Variants in UBE2J1 observed in about 807,000 individuals in gnomAD.
UBE2J1 encodes ubiquitin-conjugating enzyme E2 J1.
A neutral mutation model predicts 42.1 loss-of-function variants in UBE2J1; 17 were observed. The ratio of observed to expected loss-of-function variants is 0.40; its 90% CI spans 0.28 to 0.61. The LOEUF (loss-of-function observed/expected upper bound fraction) is 0.61, where lower values mean the gene tolerates loss of function less well. Among genes scored for constraint, UBE2J1 ranks in the 20% least tolerant of loss-of-function variants. UBE2J1 has a pLI of 0.38. For missense variants in UBE2J1, 291 were observed against 389.4 expected, an observed-to-expected ratio of 0.75 and a Z score of 2.13; for synonymous variants, 127 against 137.2, an observed-to-expected ratio of 0.93 and a Z score of 0.52.
intron 3 of UBE2J1, among the ~76,000 whole-genome samples, chr6:89,339,007 T>A (rs1768178863): frequency 6.6e-6 from 1 of 152,142 alleles, no homozygotes; most frequent in South Asian, 2.1e-4. Flanking sequence ...GGGACACAGA[T>A]TTTTTGTCCT....
rs531215136 is a variant in UBE2J1, at chr6:89,338,731, T to C, written c.238-188A>G. ...CCCAGGCTGGAGTGCAGTGGTGTGATATCAGCTCACTGCAAGATCCACCTC... is the reference window on the plus strand; with the variant it reads ...CCCAGGCTGGAGTGCAGTGGTGTGACATCAGCTCACTGCAAGATCCACCTC... On this transcript the variant is annotated intron_variant, in intron 3 of 7. Transcript: ENST00000435041. 8.5e-4 allele frequency among the ~76,000 whole-genome samples: 122 copies of C among 144,274 alleles called. 2 individuals are homozygous for C. The Middle Eastern group carries it at 0.011, about 13-fold the overall frequency. The allele number at this position is 144,274 out of a possible 152,430, so 94.6% of individuals were successfully genotyped here.
intron 1 of UBE2J1, among the ~76,000 whole-genome samples, chr6:89,347,905 G>A (rs951512839): frequency 1.5e-4 from 23 of 152,082 alleles, no homozygotes; most frequent in Non-Finnish European, 1.3e-4. Context: ...CAGTCCCTGA[G>A]TCATTAAGGT....
rs760865536 is a variant in UBE2J1, at chr6:89,342,395, C to CT, written c.165dup (p.Gly56ArgfsTer26). On this transcript the variant is annotated frameshift_variant, in exon 3 of 8. Coordinates refer to ENST00000435041, the MANE Select transcript of UBE2J1 (RefSeq NM_016021.3). LOFTEE classifies it high-confidence loss of function. Reference sequence around the variant, plus strand: ...AGTACTATCCGCCCGTGATAAACTCCTCCATCAAAATCGGAGTCTGGGGGC... The same window carrying CT: ...AGTACTATCCGCCCGTGATAAACTCCTTCCATCAAAATCGGAGTCTGGGGGC... 6.2e-7 allele frequency: 1 copy of CT among 1,613,548 alleles called. No homozygotes were observed. Among genetic ancestry groups the CT allele is most frequent in the South Asian group, 1.1e-5 (1 of 90,992 alleles).
intron 1 of UBE2J1, among the ~76,000 whole-genome samples, chr6:89,347,713 T>C: frequency 6.6e-6 from 1 of 152,190 alleles, no homozygotes; most frequent in Non-Finnish European, 1.5e-5. Flanking sequence ...TAACATATAT[T>C]ATGAATGCTT....
intron 1 of UBE2J1, among the ~76,000 whole-genome samples, chr6:89,346,875 C>T (rs1582488852): frequency 6.6e-6 from 1 of 152,124 alleles, no homozygotes; most frequent in Non-Finnish European, 1.5e-5. Context: ...ATCTGTTTTT[C>T]CTGCTAAGCA....
At chr6:89,346,199 A>C (rs1361642000) in intron 1 of UBE2J1, among the ~76,000 whole-genome samples, 4 of 151,940 alleles carry the variant, frequency 2.6e-5, no homozygotes, top group Non-Finnish European at 5.9e-5. Context: ...TTACTATCCT[A>C]CTTCACAATT....
rs1188110910 is a variant in UBE2J1, at chr6:89,326,799, C to A, written c.*2880G>T. On this transcript the variant is annotated 3_prime_UTR_variant, in exon 8 of 8. Coordinates refer to ENST00000435041, the MANE Select transcript of UBE2J1 (RefSeq NM_016021.3). Reference sequence around the variant, plus strand: ...AGTCACGTTCACTAAATGCATTAACCTTACATATACTTCCAATTAAAAAAA... The same window carrying A: ...AGTCACGTTCACTAAATGCATTAACATTACATATACTTCCAATTAAAAAAA... 6.6e-6 allele frequency: 1 copy of A among 152,072 alleles called. No homozygotes were observed. The highest frequency in any genetic ancestry group is 1.5e-5 in the Non-Finnish European group (1 of 68,006). The allele number at this position is 152,072 out of a possible 1,614,324, so 9.4% of individuals were successfully genotyped here.
At chr6:89,334,565 A>G (rs948518075) in intron 6 of UBE2J1, among the ~76,000 whole-genome samples, 1 of 148,192 alleles carries the variant, frequency 6.7e-6, no homozygotes, top group African/African-American at 2.5e-5. Flanking sequence ...TCTGCCTCCC[A>G]GGTTCAAGCA....
At chr6:89,346,898 G>A (rs1169831263) in intron 1 of UBE2J1, among the ~76,000 whole-genome samples, 1 of 152,120 alleles carries the variant, frequency 6.6e-6, no homozygotes, top group Non-Finnish European at 1.5e-5. Context: ...AGTAATGACA[G>A]TGTAGCTGTA....
At chr6:89,333,382 G>C (rs1265659039) in intron 6 of UBE2J1, among the ~76,000 whole-genome samples, 177 bp from the exon 7 acceptor site, 1 of 152,154 alleles carries the variant, frequency 6.6e-6, no homozygotes, top group Non-Finnish European at 1.5e-5. Flanking sequence ...AGGTATCATA[G>C]GAAGAAGCAT....
chr6:89,339,751 T>A (rs1355345305), intron 3 of UBE2J1, among the ~76,000 whole-genome samples: 1 of 146,806 alleles, frequency 6.8e-6, no homozygotes, highest in African/African-American at 2.5e-5. Flanking sequence ...GACTCATGTC[T>A]GTAATCCCAG....
rs181413001 is a variant in UBE2J1 at position 89,345,212 on chromosome 6, C to T, written c.32-1456G>A. On this transcript the variant is annotated intron_variant, in intron 1 of 7. Coordinates refer to ENST00000435041, the MANE Select transcript of UBE2J1 (RefSeq NM_016021.3). ...AATAAAAGTAAAATGTGTAGAGGCA[C>T]AGGTTGGAATGTTATGGGGAGAGAG... Among the ~76,000 whole-genome samples, 1,055 of 152,250 alleles carry T rather than the reference C, an allele frequency of 6.9e-3. 33 individuals carry two copies. Among genetic ancestry groups the T allele is most frequent in the Admixed American group, 0.061 (940 of 15,296 alleles).
chr6:89,352,421 G>T, intron 1 of UBE2J1, 118 bp downstream of exon 1: 1 of 1,194,290 alleles, frequency 8.4e-7, no homozygotes, highest in Non-Finnish European at 1.2e-6. Context: ...CTCGCGTAGA[G>T]CGCGAAACCA....
intron 1 of UBE2J1, among the ~76,000 whole-genome samples, chr6:89,345,182 G>T (rs530396506): frequency 2.0e-5 from 3 of 152,290 alleles, no homozygotes; most frequent in African/African-American, 7.2e-5. Flanking sequence ...ATAGGAAGAG[G>T]TAATAATAAA....
In UBE2J1 at chr6:89,333,117, G is replaced by A; in HGVS notation, c.647C>T (p.Thr216Ile). Residue 216 changes from threonine to isoleucine, a missense_variant, in exon 7 of 8, where the codon ACA (threonine) becomes ATA (isoleucine). Thr to Ile is a moderately conservative substitution (Grantham distance 89). Transcript: ENST00000435041. ...ACTGGCCGTAGCACCCTGGAATGTTGTAGGTATATCATCTTGTAAATCAGT... is the reference window on the plus strand; with the variant it reads ...ACTGGCCGTAGCACCCTGGAATGTTATAGGTATATCATCTTGTAAATCAGT... The part of the protein sequence containing the change: ...SLTDLQDDIP[T>I]TFQGATASTS... The A allele has an allele frequency of 3.1e-6, 5 of 1,612,874 alleles. No homozygotes were observed. The highest frequency in any genetic ancestry group is 1.3e-5 in the African/African-American group (1 of 74,988).
chr6:89,352,668 TGGCC>T lies in UBE2J1; in HGVS notation c.-103_-100del. 7.4e-6 allele frequency: 10 copies of T among 1,346,420 alleles called. No homozygotes were observed. The highest frequency in any genetic ancestry group is 9.7e-6 in the Non-Finnish European group (10 of 1,026,060). 83.4% of individuals were successfully genotyped at this position (1,346,420 alleles called of 1,614,324 possible). A position where few individuals can be genotyped will look rare whatever the true frequency, so the allele number is the denominator to read the frequency against. On this transcript the variant is annotated 5_prime_UTR_variant, in exon 1 of 8. Transcript: ENST00000435041. Reference sequence around the variant, plus strand: ...CAGCGCGGCTCGGGCGGACGGGGCCTGGCCGAGGAGCCTCGGCAAATGCCGCCCA... The same window carrying T: ...CAGCGCGGCTCGGGCGGACGGGGCCTGAGGAGCCTCGGCAAATGCCGCCCA...
chr6:89,333,195 T>C lies in UBE2J1; in HGVS notation c.569A>G (p.Asn190Ser), dbSNP rs151000241. ...ARQISFKAEV[N>S]SSGKTISESD... The stretch of plus-strand genomic sequence containing the variant: ...CTCAGAGATAGTCTTTCCAGATGAA[T>C]TGACTTCTGCCTATAAACAAGATAG... The change falls in exon 7 of 8, where the codon AAT becomes AGT. Residue 190 changes from asparagine (N) to serine (S), a missense_variant. By Grantham distance (46) the Asn-to-Ser change is conservative. Coordinates refer to ENST00000435041, the MANE Select transcript of UBE2J1 (RefSeq NM_016021.3). 3.6e-4 allele frequency: 575 copies of C among 1,610,140 alleles called. 9 individuals are homozygous for C. The East Asian group carries it at 7.1e-3, about 20-fold the overall frequency.
Position 89,328,029 on chromosome 6 carries a change from C to T in UBE2J1, c.*1650G>A, listed in dbSNP as rs1767939472. 1 of 152,152 alleles carries T rather than the reference C, an allele frequency of 6.6e-6. No homozygotes were observed. Among genetic ancestry groups the T allele is most frequent in the Non-Finnish European group, 1.5e-5 (1 of 68,034 alleles). 9.4% of individuals were successfully genotyped at this position (152,152 alleles called of 1,614,324 possible). ...TCATAAAGTCCTTGAGCTTTTTAGA[C>T]TTTAACAAATTCAGCTACAGATATA... On this transcript the variant is annotated 3_prime_UTR_variant, in exon 8 of 8. Coordinates refer to ENST00000435041, the MANE Select transcript of UBE2J1 (RefSeq NM_016021.3).
At chr6:89,344,634 A>AT (rs1380770158) in intron 1 of UBE2J1, among the ~76,000 whole-genome samples, 1 of 152,218 alleles carries the variant, frequency 6.6e-6, no homozygotes, top group Admixed American at 6.5e-5. Context: ...CAGTAATGCC[A>AT]TTACAAGTCA....
Sources: gnomAD v4.1 joint callset for allele counts (sites outside exome capture counted in the v4.1 genomes callset) on GRCh38, gnomAD v4.1.1 for gene constraint, MANE v1.5 for transcripts, NCBI Gene and HGNC (gene_info 2026-07-23, HGNC 2026-07-21) for gene names.